Variants in CCNJL observed in about 807,000 individuals in gnomAD.
The protein encoded by CCNJL is cyclin-J-like protein.
Under a neutral mutation model 33.4 loss-of-function variants are expected in CCNJL, and 33 were observed. That is an observed-to-expected ratio of 0.99 (90% CI 0.75 to 1.32). The LOEUF (loss-of-function observed/expected upper bound fraction) is 1.32, where lower values mean the gene tolerates loss of function less well. CCNJL is among the 40% of genes most tolerant of loss of function. The pLI, the probability that CCNJL is intolerant of heterozygous loss-of-function variation, is 0.00. For missense variants in CCNJL, 512 were observed against 499.7 expected, an observed-to-expected ratio of 1.02 and a Z score of -0.23; for synonymous variants, 227 against 220.9, an observed-to-expected ratio of 1.03 and a Z score of -0.24.
intron 2 of CCNJL, among the ~76,000 whole-genome samples, chr5:160,287,295 G>T (rs145865617): frequency 6.6e-6 from 1 of 152,128 alleles, no homozygotes; most frequent in East Asian, 1.9e-4. Context: ...TCTGTCAAAG[G>T]CTCTTTGGGC....
chr5:160,329,575 TC>T, intron 1 of CCNJL, among the ~76,000 whole-genome samples: 1 of 152,136 alleles, frequency 6.6e-6, no homozygotes, highest in Admixed American at 6.5e-5. Context: ...GATCTCGATC[TC>T]CTGACCTCAT....
At chr5:160,267,229 TA>T (rs753105222) in intron 3 of CCNJL, among the ~76,000 whole-genome samples, 13 of 152,176 alleles carry the variant, frequency 8.5e-5, no homozygotes, top group Non-Finnish European at 1.9e-4. Context: ...TTGGGTGGGC[TA>T]GGGGGTCTGT....
chr5:160,325,804 C>G (rs1763527175), intron 1 of CCNJL, among the ~76,000 whole-genome samples: 1 of 152,128 alleles, frequency 6.6e-6, no homozygotes, highest in Admixed American at 6.5e-5. Flanking sequence ...AAAGACAGGT[C>G]AGCAAGCCAC....
chr5:160,313,794 A>T (rs1321744085), upstream of CCNJL, among the ~76,000 whole-genome samples: 7 of 152,224 alleles, frequency 4.6e-5, no homozygotes, highest in Non-Finnish European at 1.0e-4. Flanking sequence ...GGTAGATTGG[A>T]GGAGGGGGCA....
rs535097938 is a variant in CCNJL at position 160,250,193 on chromosome 5, A to T, written c.*3185T>A. 2.6e-5 allele frequency: 4 copies of T among 152,338 alleles called. No homozygotes were observed. Among genetic ancestry groups the T allele is most frequent in the Non-Finnish European group, 5.9e-5 (4 of 68,054 alleles). 9.4% of individuals were successfully genotyped at this position (152,338 alleles called of 1,614,324 possible). On this transcript the variant is annotated 3_prime_UTR_variant, in exon 6 of 6. Transcript: ENST00000257536. ...TGTGGCACAGTCTCCCCCCGCCCCA[A>T]GAGCTTAGAACCATCCACCAACTTG...
rs1561812424 is a variant in CCNJL, at chr5:160,320,822, T to TTTCTTTCTTTCTTTCC, written n.207-5318_207-5317insGGAAAGAAAGAAAGAA. Among the ~76,000 whole-genome samples the TTTCTTTCTTTCTTTCC allele has an allele frequency of 5.3e-4, 60 of 113,364 alleles. 2 individuals are homozygous for TTTCTTTCTTTCTTTCC. Among genetic ancestry groups the TTTCTTTCTTTCTTTCC allele is most frequent in the African/African-American group, 2.2e-3 (60 of 27,278 alleles). The allele number at this position is 113,364 out of a possible 152,430, so 74.4% of individuals were successfully genotyped here. A position where few individuals can be genotyped will look rare whatever the true frequency, so the allele number is the denominator to read the frequency against. On this transcript the variant is annotated intron_variant and non_coding_transcript_variant, in intron 1 of 7. Coordinates refer to the CCNJL transcript ENST00000377503. ...CTTTCTTTCTTTCTTTCTTTCTTTC[T>TTTCTTTCTTTCTTTCC]TTCTTTCTTTCTTTCTTTCTTTCTT...
At chr5:160,321,010 CTCTCTTTCTTTCTTTCTTTCTT>C (rs1381612525) in intron 1 of CCNJL, among the ~76,000 whole-genome samples, 2,218 of 87,900 alleles carry the variant, frequency 0.025, 87 homozygotes, top group South Asian at 0.055. Flanking sequence ...CTCTCTCTCT[CTCTCTTTCTTTCTTTCTTTCTT>C]TCTTTCTTTC....
intron 2 of CCNJL, among the ~76,000 whole-genome samples, chr5:160,297,670 A>C (rs1432376737): frequency 1.3e-5 from 2 of 152,006 alleles, no homozygotes; most frequent in African/African-American, 2.4e-5. Context: ...AAAAAAAAAA[A>C]AACAAAACAC....
At chr5:160,299,802 C>T (rs2113419943) in intron 2 of CCNJL, among the ~76,000 whole-genome samples, 1 of 151,182 alleles carries the variant, frequency 6.6e-6, no homozygotes, top group East Asian at 1.9e-4. Flanking sequence ...CAATGGTTCA[C>T]TCCAAAGAGT....
chr5:160,259,906 T>C, intron 3 of CCNJL, 135 bp from the exon 4 acceptor site: 2 of 701,310 alleles, frequency 2.9e-6, no homozygotes, highest in South Asian at 1.8e-5. Context: ...TGCGGAGGAA[T>C]AGGAGCACAC....
chr5:160,255,994 T>G (rs1561769859), intron 4 of CCNJL, among the ~76,000 whole-genome samples: 2 of 152,154 alleles, frequency 1.3e-5, no homozygotes, highest in Non-Finnish European at 2.9e-5. Context: ...GCCCAAGAGA[T>G]CCTACTACCT....
chr5:160,266,579 A>G (rs1365915028), intron 3 of CCNJL, among the ~76,000 whole-genome samples: 1 of 152,076 alleles, frequency 6.6e-6, no homozygotes. Flanking sequence ...TTGGGCAATC[A>G]CCTGGAAACC....
At chr5:160,339,359 C>CAAA (rs752641997) in intron 1 of CCNJL, 45 of 220,504 alleles carry the variant, frequency 2.0e-4, no homozygotes, top group Non-Finnish European at 2.4e-4. Flanking sequence ...ACATGCAAAA[C>CAAA]AAAAAAAAAA....
At chr5:160,326,548 A>G (rs190068912) in intron 1 of CCNJL, 4 of 447,652 alleles carry the variant, frequency 8.9e-6, no homozygotes, top group Non-Finnish European at 1.7e-5. Flanking sequence ...TCTAAAATAA[A>G]TATTCAAAAC....
chr5:160,300,822 G>A (rs1254604150), intron 2 of CCNJL, among the ~76,000 whole-genome samples: 3 of 152,124 alleles, frequency 2.0e-5, no homozygotes, highest in Non-Finnish European at 4.4e-5. Context: ...ACCATGCCCG[G>A]CTCCTGCTCC....
intron 5 of CCNJL, chr5:160,254,547 C>A: frequency 2.3e-6 from 1 of 435,732 alleles, no homozygotes; most frequent in South Asian, 5.5e-5. Flanking sequence ...AAGCTTCCCA[C>A]ATCGGGGAGG....
At chr5:160,325,355 G>C (rs893031005) in intron 1 of CCNJL, among the ~76,000 whole-genome samples, 1 of 152,124 alleles carries the variant, frequency 6.6e-6, no homozygotes, top group Non-Finnish European at 1.5e-5. Context: ...GCAGTCATTG[G>C]TCTCCTTTCC....
At chr5:160,306,547 C>T (rs1371104739) in intron 2 of CCNJL, among the ~76,000 whole-genome samples, 2 of 152,172 alleles carry the variant, frequency 1.3e-5, no homozygotes, top group African/African-American at 4.8e-5. Context: ...CAGAGCTTAT[C>T]AACATGGCTT....
chr5:160,258,941 C>T (rs1050185913), intron 4 of CCNJL, among the ~76,000 whole-genome samples: 5 of 152,192 alleles, frequency 3.3e-5, no homozygotes, highest in African/African-American at 1.2e-4. Context: ...GTGATCTGTC[C>T]GCCTTGGCCT....
Sources: gnomAD v4.1 joint callset for allele counts (sites outside exome capture counted in the v4.1 genomes callset) on GRCh38, gnomAD v4.1.1 for gene constraint, MANE v1.5 for transcripts, NCBI Gene and HGNC (gene_info 2026-07-23, HGNC 2026-07-21) for gene names.